CELF2: variants seen among roughly 807,000 people sequenced by gnomAD.
CELF2 encodes CUG triplet repeat RNA-binding protein 2.
CELF2 carries 8 observed loss-of-function variants against 62.6 expected under a neutral mutation model. The observed-to-expected ratio is 0.13, with a 90% CI of 0.07 to 0.23. The LOEUF is 0.23. CELF2 is among the 10% of genes least tolerant of loss of function. The pLI, the probability that CELF2 is intolerant of heterozygous loss-of-function variation, is 1.00. For synonymous variants in CELF2, 258 were observed against 250.0 expected (o/e 1.03, Z -0.30); for missense variants, 333 against 671.0 (o/e 0.50, Z 5.56).
the CELF2 span, among the ~76,000 whole-genome samples, chr10:10,569,554 A>G: frequency 0.096 from 14,600 of 152,216 alleles, 823 homozygotes; most frequent in Non-Finnish European, 0.13. Flanking sequence ...GATAAAATAT[A>G]TTTTAATCCA....
intron 2 of CELF2, among the ~76,000 whole-genome samples, chr10:11,181,849 G>A (rs1450145525): frequency 6.6e-6 from 1 of 152,218 alleles, no homozygotes; most frequent in Middle Eastern, 3.2e-3. Flanking sequence ...TCAAGATAAA[G>A]GGACATTATT....
chr10:10,771,852 C>T, the CELF2 span, among the ~76,000 whole-genome samples: 7 of 152,330 alleles, frequency 4.6e-5, no homozygotes, highest in South Asian at 8.3e-4. Context: ...TACACCTGCA[C>T]GCTGTCCCAG....
chr10:10,508,240 C>A, the CELF2 span, among the ~76,000 whole-genome samples: 5 of 152,116 alleles, frequency 3.3e-5, no homozygotes, highest in South Asian at 6.2e-4. Context: ...AACAGATAAG[C>A]CTTCACGGTA....
In CELF2 at chr10:11,309,218, C is replaced by G. The variant is rs1591241856; in HGVS notation, c.977-4921C>G. Among the ~76,000 whole-genome samples, 1 of 152,306 alleles carries G rather than the reference C, an allele frequency of 6.6e-6. No individual in the cohort carries two copies. On this transcript the variant is annotated intron_variant, in intron 9 of 12. Coordinates refer to ENST00000633077, the MANE Select transcript of CELF2 (RefSeq NM_001326342.2). This position sits in a 1 kb window ranked among gnomAD's most constrained non-coding sequence, Gnocchi z 5.6. ...TGCATATATCATAGCTTTCTATTAACAACAGGACATTGTAGATGTTACAGC... is the reference window on the plus strand; with the variant it reads ...TGCATATATCATAGCTTTCTATTAAGAACAGGACATTGTAGATGTTACAGC...
At chr10:10,681,367 G>C in the CELF2 span, among the ~76,000 whole-genome samples, 1 of 152,094 alleles carries the variant, frequency 6.6e-6, no homozygotes. Context: ...CAACCGAGAT[G>C]AAATCAATGA....
intron 1 of CELF2, among the ~76,000 whole-genome samples, chr10:10,897,935 C>T (rs918950749): frequency 8.5e-5 from 13 of 152,242 alleles, no homozygotes; most frequent in South Asian, 2.1e-4. Context: ...GAAAAGTGGA[C>T]ATAGATGAGA....
At chr10:10,749,109 A>C in the CELF2 span, among the ~76,000 whole-genome samples, 1 of 152,206 alleles carries the variant, frequency 6.6e-6, no homozygotes, top group Non-Finnish European at 1.5e-5. Flanking sequence ...TTGAGTTTGA[A>C]ATGCTTGCAA....
At chr10:10,863,803 C>T (rs1308952906) in intron 1 of CELF2, among the ~76,000 whole-genome samples, 1 of 152,120 alleles carries the variant, frequency 6.6e-6, no homozygotes, top group Admixed American at 6.5e-5. Flanking sequence ...TAAAGAAAAA[C>T]AGAACTTACC....
At chr10:10,800,896 A>T (rs981744495) in intron 1 of CELF2, among the ~76,000 whole-genome samples, 4 of 152,140 alleles carry the variant, frequency 2.6e-5, no homozygotes, top group African/African-American at 9.7e-5. Context: ...CTAAAACTGA[A>T]ACACTTCCTA....
At chr10:11,187,697 A>G (rs1243286033) in intron 2 of CELF2, among the ~76,000 whole-genome samples, 1 of 151,956 alleles carries the variant, frequency 6.6e-6, no homozygotes, top group Admixed American at 6.6e-5. Context: ...TATTTGTTAC[A>G]CGTCTTTATC....
chr10:11,213,921 A>G (rs1287659581), intron 2 of CELF2, among the ~76,000 whole-genome samples: 2 of 152,210 alleles, frequency 1.3e-5, no homozygotes, highest in East Asian at 1.9e-4. Flanking sequence ...TTGGTCCTGA[A>G]TGAAACACTT....
chr10:11,313,376 G>A (rs1273375091), intron 9 of CELF2, among the ~76,000 whole-genome samples: 2 of 152,196 alleles, frequency 1.3e-5, no homozygotes, highest in Non-Finnish European at 2.9e-5. Context: ...GGCAGGCCAA[G>A]AAATGTCTTA....
chr10:10,931,565 C>T lies in CELF2; in HGVS notation c.89+11566C>T, dbSNP rs767710576. On this transcript the variant is annotated intron_variant, in intron 2 of 13. Transcript: ENST00000636488. This position sits in a 1 kb window ranked among gnomAD's most constrained non-coding sequence, Gnocchi z 6.1. ...ATCGACATAGTGACACCTGGTGGCCCCTAATTCATCATTGGGCACCACGGC... is the reference window on the plus strand; with the variant it reads ...ATCGACATAGTGACACCTGGTGGCCTCTAATTCATCATTGGGCACCACGGC... Among the ~76,000 whole-genome samples, 4 of 152,088 alleles carry T rather than the reference C, an allele frequency of 2.6e-5. No individual in the cohort carries two copies. Among genetic ancestry groups the T allele is most frequent in the Non-Finnish European group, 5.9e-5 (4 of 68,008 alleles).
chr10:10,780,771 G>A, the CELF2 span, among the ~76,000 whole-genome samples: 74 of 152,116 alleles, frequency 4.9e-4, 2 homozygotes, highest in East Asian at 1.9e-4. Context: ...GAGCCACTGC[G>A]CCCGGCAAAC....
chr10:10,655,788 T>A, the CELF2 span, among the ~76,000 whole-genome samples: 3 of 134,854 alleles, frequency 2.2e-5, no homozygotes, highest in Non-Finnish European at 4.9e-5. Context: ...AACCTAGGCA[T>A]TACCATTCAG....
Position 11,089,663 on chromosome 10 carries a change from G to A in CELF2, c.74+71500G>A, listed in dbSNP as rs532341792. Among the ~76,000 whole-genome samples, 35 of 152,262 alleles carry A rather than the reference G, an allele frequency of 2.3e-4. 1 individual carries two copies. The highest frequency in any genetic ancestry group is 6.8e-3 in the Middle Eastern group (2 of 294). Reference sequence around the variant, plus strand: ...TAAGGATTAACGAGGTAGAGAGAAGGCAGAAGGCATGAGAGGTATATCCAA... The same window carrying A: ...TAAGGATTAACGAGGTAGAGAGAAGACAGAAGGCATGAGAGGTATATCCAA... On this transcript the variant is annotated intron_variant, in intron 1 of 12. Transcript: ENST00000633077.
rs190929019 is a variant in CELF2, at chr10:11,178,300, A to G, written c.271+12618A>G. On this transcript the variant is annotated intron_variant, in intron 2 of 12. Transcript: ENST00000633077. This position sits in a 1 kb window ranked among gnomAD's most constrained non-coding sequence, Gnocchi z 4.3. The stretch of plus-strand genomic sequence containing the variant: ...CAGTCCGTTTTACACAGGCCACCAT[A>G]CAGCTGCCAGGTGGCGCTGGCTCTT... Among the ~76,000 whole-genome samples the G allele has an allele frequency of 3.9e-5, 6 of 152,300 alleles. No individual in the cohort carries two copies. In the East Asian group the frequency reaches 1.2e-3, roughly 29 times the overall value.
At chr10:10,502,602 A>G in the CELF2 span, among the ~76,000 whole-genome samples, 2 of 151,976 alleles carry the variant, frequency 1.3e-5, no homozygotes, top group Non-Finnish European at 2.9e-5. Context: ...TGATATCTGC[A>G]TGGTCTGTAA....
chr10:11,227,457 G>T lies in CELF2; in HGVS notation c.354+9950G>T, dbSNP rs2067016614. The stretch of plus-strand genomic sequence containing the variant: ...TCACAGCAAAGTCAAGGCAAAGGAG[G>T]ATGGGTGCCAGGGGTGCCTCTGCAT... On this transcript the variant is annotated intron_variant, in intron 3 of 12. Coordinates refer to ENST00000633077, the MANE Select transcript of CELF2 (RefSeq NM_001326342.2). The surrounding 1 kb of genome is among the most constrained non-coding windows in gnomAD (Gnocchi z 4.8). Among the ~76,000 whole-genome samples the T allele has an allele frequency of 6.6e-6, 1 of 152,224 alleles. No individual in the cohort carries two copies. Among genetic ancestry groups the T allele is most frequent in the African/African-American group, 2.4e-5 (1 of 41,452 alleles).
Sources: gnomAD v4.1 joint callset for allele counts (sites outside exome capture counted in the v4.1 genomes callset) on GRCh38, gnomAD v4.1.1 for gene constraint, Gnocchi (gnomAD v3.1) non-coding constraint, MANE v1.5 for transcripts, NCBI Gene and HGNC (gene_info 2026-07-23, HGNC 2026-07-21) for gene names.